ABRACL: variants seen among roughly 807,000 people sequenced by gnomAD.
ABRACL encodes the protein ABRA C-terminal like.
Under a neutral mutation model 7.0 loss-of-function variants are expected in ABRACL, and 4 were observed. The observed-to-expected ratio is 0.57, with a 90% CI of 0.28 to 1.30. The LOEUF (loss-of-function observed/expected upper bound fraction) is 1.30. ABRACL is among the 50% of genes most tolerant of loss of function. The probability of loss-of-function intolerance (pLI) is 0.10; values close to 1 mark genes in which losing one functional copy is unlikely to be tolerated. For missense variants in ABRACL, 104 were observed against 97.3 expected, an observed-to-expected ratio of 1.07 and a Z score of -0.29; for synonymous variants, 30 against 36.0, an observed-to-expected ratio of 0.83 and a Z score of 0.60.
chr6:139,033,628 C>G (rs1260244364), intron 1 of ABRACL, among the ~76,000 whole-genome samples: 1 of 152,198 alleles, frequency 6.6e-6, no homozygotes, highest in African/African-American at 2.4e-5. Flanking sequence ...CCCCACCAGT[C>G]TGGCTGGACC....
rs1044856427 is a variant in ABRACL, at chr6:139,029,331, G to A, written c.-7+456G>A. Among the ~76,000 whole-genome samples, 8 of 152,222 alleles carry A rather than the reference G, an allele frequency of 5.3e-5. No homozygotes were observed. The East Asian group carries it at 5.8e-4, about 11-fold the overall frequency. On this transcript the variant is annotated intron_variant, in intron 1 of 2. Transcript: ENST00000367660. Reference sequence around the variant, plus strand: ...GCCGGAGGTGGGTGCGGCTCTGTGCGCTCCAGATCAGGGGGTGCAGAGTCG... The same window carrying A: ...GCCGGAGGTGGGTGCGGCTCTGTGCACTCCAGATCAGGGGGTGCAGAGTCG...
At chr6:139,028,911 C>G (rs1314913063) in intron 1 of ABRACL, 36 bp downstream of exon 1, 2 of 152,330 alleles carry the variant, frequency 1.3e-5, no homozygotes, top group African/African-American at 4.8e-5. Flanking sequence ...GCTTAGGTAG[C>G]AGGGATGGAC....
At chr6:139,041,425 A>G (rs1384299385) in intron 2 of ABRACL, among the ~76,000 whole-genome samples, 1 of 117,268 alleles carries the variant, frequency 8.5e-6, no homozygotes, top group African/African-American at 3.4e-5. Flanking sequence ...CACCAGACCC[A>G]TCTCTCTCTC....
chr6:139,042,393 C>T (rs1416922888), intron 2 of ABRACL, among the ~76,000 whole-genome samples: 1 of 152,130 alleles, frequency 6.6e-6, no homozygotes, highest in East Asian at 1.9e-4. Flanking sequence ...TTTATTGATT[C>T]AAAAACTCAC....
At chr6:139,034,422 C>T (rs1170840745) in intron 2 of ABRACL, 9 of 1,525,606 alleles carry the variant, frequency 5.9e-6, no homozygotes, top group Non-Finnish European at 8.0e-6. Context: ...TATTGTGATT[C>T]TGATGCAGGG....
At chr6:139,032,197 C>T (rs1055495506) in intron 1 of ABRACL, among the ~76,000 whole-genome samples, 1 of 152,140 alleles carries the variant, frequency 6.6e-6, no homozygotes, top group Non-Finnish European at 1.5e-5. Context: ...ATCTCCTGAC[C>T]TCGTGATCCA....
chr6:139,035,919 G>T (rs980314600), intron 2 of ABRACL, among the ~76,000 whole-genome samples: 1 of 145,670 alleles, frequency 6.9e-6, no homozygotes, highest in African/African-American at 2.5e-5. Flanking sequence ...GGCCAACATG[G>T]TGAAACCCTG....
intron 2 of ABRACL, among the ~76,000 whole-genome samples, chr6:139,040,957 G>A (rs543913116): frequency 6.6e-6 from 1 of 152,284 alleles, no homozygotes; most frequent in South Asian, 2.1e-4. Flanking sequence ...GTGTCTCCTG[G>A]CAGCACTGAG....
intron 2 of ABRACL, among the ~76,000 whole-genome samples, chr6:139,041,370 C>T (rs1786240834): frequency 6.7e-6 from 1 of 150,166 alleles, no homozygotes; most frequent in Non-Finnish European, 1.5e-5. Context: ...GCTCAAACAG[C>T]CCTCTGCTTC....
rs2504376 is a variant in ABRACL, at chr6:139,028,784, G to C, written c.-98G>C. Reference sequence around the variant, plus strand: ...CTTTGCCTCAGCCACTTCCTTCCTTGGCCTCACCCTCCCCAGTGCACTGAA... The same window carrying C: ...CTTTGCCTCAGCCACTTCCTTCCTTCGCCTCACCCTCCCCAGTGCACTGAA... On this transcript the variant is annotated 5_prime_UTR_variant, in exon 1 of 3. Coordinates refer to ENST00000367660, the MANE Select transcript of ABRACL (RefSeq NM_021243.3). The C allele has an allele frequency of 0.77, 117,004 of 152,850 alleles. 47,700 individuals carry two copies. Among genetic ancestry groups the C allele is most frequent in the Non-Finnish European group, 0.9 (61,500 of 68,610 alleles). 9.5% of individuals were successfully genotyped at this position (152,850 alleles called of 1,614,324 possible). A position where few individuals can be genotyped will look rare whatever the true frequency, so the allele number is the denominator to read the frequency against.
At chr6:139,030,200 G>C (rs1305794756) in intron 1 of ABRACL, among the ~76,000 whole-genome samples, 2 of 150,848 alleles carry the variant, frequency 1.3e-5, no homozygotes, top group African/African-American at 4.9e-5. Context: ...CGGTACTCGT[G>C]AGAATGTGTT....
At chr6:139,034,414 T>C in intron 2 of ABRACL, 193 bp downstream of exon 2, 1 of 1,531,746 alleles carries the variant, frequency 6.5e-7, no homozygotes, top group South Asian at 1.2e-5. Flanking sequence ...TTTTGGGGTA[T>C]TGTGATTCTG....
At chr6:139,038,036 C>G (rs10457682) in intron 2 of ABRACL, among the ~76,000 whole-genome samples, 56 of 152,286 alleles carry the variant, frequency 3.7e-4, no homozygotes, top group Admixed American at 7.2e-4. Context: ...CTCAGCCTTC[C>G]AAAGTGCTGG....
intron 1 of ABRACL, among the ~76,000 whole-genome samples, chr6:139,029,803 A>G (rs1307387028): frequency 6.6e-6 from 1 of 152,184 alleles, no homozygotes; most frequent in African/African-American, 2.4e-5. Context: ...CCGAGTGTGT[A>G]AAGTTGGTTC....
At chr6:139,039,092 C>T (rs962058499) in intron 2 of ABRACL, among the ~76,000 whole-genome samples, 3 of 152,008 alleles carry the variant, frequency 2.0e-5, no homozygotes, top group Non-Finnish European at 2.9e-5. Context: ...GGCCTCGTGG[C>T]GGGTGCCTGT....
rs1319845569 is a variant in ABRACL, at chr6:139,042,806, T to C, written c.149T>C (p.Leu50Pro). The part of the protein sequence containing the change: ...ANLFEALVGT[L>P]KAAKRRKIVT... ...CTCTTTGAAGCATTGGTAGGAACTC[T>C]TAAAGCTGCAAAACGAAGGAAGATT... The change falls in exon 3 of 3, where the codon CTT (leucine) becomes CCT (proline). Residue 50 changes from leucine to proline, a missense_variant. By Grantham distance (98) the Leu-to-Pro change is moderately conservative. Coordinates refer to ENST00000367660, the MANE Select transcript of ABRACL (RefSeq NM_021243.3). 5.6e-6 allele frequency: 9 copies of C among 1,614,000 alleles called. No individual in the cohort carries two copies. The highest frequency in any genetic ancestry group is 7.6e-6 in the Non-Finnish European group (9 of 1,179,984).
chr6:139,042,608 C>A (rs2114319906), intron 2 of ABRACL, 111 bp from the exon 3 acceptor site: 7 of 1,040,650 alleles, frequency 6.7e-6, no homozygotes, highest in Non-Finnish European at 7.0e-6. Context: ...TGTTAAATTG[C>A]AACCTTGGAT....
intron 1 of ABRACL, among the ~76,000 whole-genome samples, chr6:139,029,375 T>C (rs903479786): frequency 6.6e-6 from 1 of 151,924 alleles, no homozygotes; most frequent in Non-Finnish European, 1.5e-5. Flanking sequence ...CACCAGGGGC[T>C]CGTGGAGCCC....
rs544562489 is a variant in ABRACL at position 139,036,473 on chromosome 6, G to A, written c.61+2252G>A. On this transcript the variant is annotated intron_variant, in intron 2 of 2. Transcript: ENST00000367660. ...GTCACTCTATTTCTATATCAAACCC[G>A]AGTCGTCATTACTGAAATGTACCAA... is the stretch of plus-strand genomic sequence containing the variant. Among the ~76,000 whole-genome samples, 46 of 152,046 alleles carry A rather than the reference G, an allele frequency of 3.0e-4. No individual in the cohort carries two copies. In the South Asian group the frequency reaches 7.3e-3, roughly 24 times the overall value.
Sources: allele counts gnomAD v4.1 joint callset (sites outside exome capture counted in the v4.1 genomes callset), GRCh38; gene constraint gnomAD v4.1.1; transcripts MANE v1.5; gene names NCBI Gene and HGNC (gene_info 2026-07-23, HGNC 2026-07-21).